DGAT1: variants seen among roughly 807,000 people sequenced by gnomAD.
The protein encoded by DGAT1 is ACAT related gene product 1.
A neutral mutation model predicts 72.6 loss-of-function variants in DGAT1; 60 were observed. The observed-to-expected ratio is 0.83, with a 90% CI of 0.67 to 1.02. The LOEUF (loss-of-function observed/expected upper bound fraction) is 1.02, where lower values mean the gene tolerates loss of function less well. Among genes scored for constraint, DGAT1 ranks in the 50% least tolerant of loss-of-function variants. DGAT1 has a pLI of 0.00. For synonymous variants in DGAT1, 290 were observed against 267.5 expected, an observed-to-expected ratio of 1.08 and a Z score of -0.82; for missense variants, 592 against 670.0, an observed-to-expected ratio of 0.88 and a Z score of 1.29.
chr8:144,322,122 C>A (rs1817476373), intron 1 of DGAT1, among the ~76,000 whole-genome samples: 1 of 152,216 alleles, frequency 6.6e-6, no homozygotes, highest in South Asian at 2.1e-4. Flanking sequence ...CCATGATCTC[C>A]CAACCAGCGC....
Position 144,326,667 on chromosome 8 carries a change from C to T in DGAT1, c.-31G>A, listed in dbSNP as rs1554848854. ...CAGCCCGCACCCGGCCGCAGCCAAG[C>T]GTGGGCCCGCCGGGTTCGTAGCGCC... On this transcript the variant is annotated 5_prime_UTR_variant, in exon 1 of 17. Coordinates refer to ENST00000528718, the MANE Select transcript of DGAT1 (RefSeq NM_012079.6). 3 of 1,170,542 alleles carry T rather than the reference C, an allele frequency of 2.6e-6. No homozygotes were observed. The highest frequency in any genetic ancestry group is 3.2e-6 in the Non-Finnish European group (3 of 948,560). 72.5% of individuals were successfully genotyped at this position (1,170,542 alleles called of 1,614,324 possible).
chr8:144,314,777 G>A lies in DGAT1; in HGVS notation c.*1777C>T. ...GTGGTGCGGTGGGTGGTGCTGCAAT[G>A]AGGAGGGGCCCAGGGCACAGAAGGG... On this transcript the variant is annotated 3_prime_UTR_variant, in exon 17 of 17. Transcript: ENST00000528718. The A allele has an allele frequency of 2.7e-6, 1 of 375,404 alleles. No homozygotes were observed. The highest frequency in any genetic ancestry group is 3.8e-6 in the Non-Finnish European group (1 of 265,620). The allele number at this position is 375,404 out of a possible 1,614,324, so 23.3% of individuals were successfully genotyped here.
In DGAT1 at chr8:144,326,435, A is replaced by T. The variant is rs566515249; in HGVS notation, c.200+2T>A. 7.3e-7 allele frequency: 1 copy of T among 1,379,290 alleles called. No individual in the cohort carries two copies. The highest frequency in any genetic ancestry group is 1.5e-5 in the African/African-American group (1 of 65,926). 85.4% of individuals were successfully genotyped at this position (1,379,290 alleles called of 1,614,324 possible). A position where few individuals can be genotyped will look rare whatever the true frequency, so the allele number is the denominator to read the frequency against. ...AGGTTAGGGGGTCAGGCGCTCCGCT[A>T]CCTCAGCTCCCAGTGGCCGCTGCCC... On this transcript the variant is annotated splice_donor_variant, in intron 1 of 16. Coordinates refer to ENST00000528718, the MANE Select transcript of DGAT1 (RefSeq NM_012079.6). LOFTEE classifies it high-confidence loss of function.
rs1817593953 is a variant in DGAT1 at position 144,326,433 on chromosome 8, C to T, written c.200+4G>A. 7.9e-6 allele frequency: 11 copies of T among 1,385,602 alleles called. No individual in the cohort carries two copies. The highest frequency in any genetic ancestry group is 2.6e-4 in the Middle Eastern group (1 of 3,890). The allele number at this position is 1,385,602 out of a possible 1,614,324, so 85.8% of individuals were successfully genotyped here. A position where few individuals can be genotyped will look rare whatever the true frequency, so the allele number is the denominator to read the frequency against. On this transcript the variant is annotated splice_donor_region_variant and intron_variant, in intron 1 of 16. Coordinates refer to ENST00000528718, the MANE Select transcript of DGAT1 (RefSeq NM_012079.6). ...AGAGGTTAGGGGGTCAGGCGCTCCG[C>T]TACCTCAGCTCCCAGTGGCCGCTGC...
rs1554847677 is a variant in DGAT1 at position 144,318,564 on chromosome 8, A to C, written c.471T>G (p.Gly157=). The change falls in exon 6 of 17, where the codon GGT becomes GGG. Residue 157 remains glycine (G), a splice_region_variant and synonymous_variant. Coordinates refer to ENST00000528718, the MANE Select transcript of DGAT1 (RefSeq NM_012079.6). ...AFQVEKRLAV[G]ALTEQAGLLL... ...GCAGTCCCGCCTGCTCCGTCAGGGC[A>C]CCCTGGAGTGGGGAGCAGAGCACTC... 1 of 1,611,810 alleles carries C rather than the reference A, an allele frequency of 6.2e-7. No individual in the cohort carries two copies. The highest frequency in any genetic ancestry group is 1.1e-5 in the South Asian group (1 of 90,878).
intron 2 of DGAT1, among the ~76,000 whole-genome samples, chr8:144,321,079 A>G (rs1289156490): frequency 6.6e-6 from 1 of 152,192 alleles, no homozygotes; most frequent in Non-Finnish European, 1.5e-5. Context: ...TCCAATGGGA[A>G]GCAGCAAGTA....
At position 144,317,324 on chromosome 8, in the gene DGAT1, GAC is replaced by G; in HGVS notation, c.1094+7_1094+8del. ...TCCCAGCCCCCAGGGACACCCCAGG[GAC>G]ACTCACCACCAGTCCCGGTAGAACT... is the stretch of plus-strand genomic sequence containing the variant. On this transcript the variant is annotated splice_region_variant and intron_variant, in intron 13 of 16. Coordinates refer to ENST00000528718, the MANE Select transcript of DGAT1 (RefSeq NM_012079.6). 1 of 1,613,480 alleles carries G rather than the reference GAC, an allele frequency of 6.2e-7. No individual in the cohort carries two copies. Among genetic ancestry groups the G allele is most frequent in the Non-Finnish European group, 8.5e-7 (1 of 1,179,792 alleles).
In DGAT1 at chr8:144,318,093, AC is replaced by A; in HGVS notation, c.751+1del. ...GCACCTCAGGCCCACAGAGGTCCTCACCGCGGTAGGTCAGATTGTCCGGGTA... is the reference window on the plus strand; with the variant it reads ...GCACCTCAGGCCCACAGAGGTCCTCACGCGGTAGGTCAGATTGTCCGGGTA... On this transcript the variant is annotated splice_donor_variant, in intron 8 of 16. Coordinates refer to ENST00000528718, the MANE Select transcript of DGAT1 (RefSeq NM_012079.6). LOFTEE classifies it high-confidence loss of function. 1 of 1,527,964 alleles carries A rather than the reference AC, an allele frequency of 6.5e-7. No individual in the cohort carries two copies. 94.7% of individuals were successfully genotyped at this position (1,527,964 alleles called of 1,614,324 possible).
Position 144,316,474 on chromosome 8 carries a change from G to T in DGAT1, c.*80C>A. On this transcript the variant is annotated 3_prime_UTR_variant, in exon 17 of 17. Transcript: ENST00000528718. The stretch of plus-strand genomic sequence containing the variant: ...TGCTGTGCAGCCAGGCCCATCCCCA[G>T]CACTCGAGGCCTAGGAGGAGAGGTG... 6.8e-7 allele frequency: 1 copy of T among 1,474,032 alleles called. No homozygotes were observed. 91.3% of individuals were successfully genotyped at this position (1,474,032 alleles called of 1,614,324 possible). A position where few individuals can be genotyped will look rare whatever the true frequency, so the allele number is the denominator to read the frequency against.
chr8:144,316,504 C>G lies in DGAT1; in HGVS notation c.*50G>C. The G allele has an allele frequency of 6.5e-7, 1 of 1,529,298 alleles. No individual in the cohort carries two copies. Among genetic ancestry groups the G allele is most frequent in the Non-Finnish European group, 8.8e-7 (1 of 1,135,282 alleles). 94.7% of individuals were successfully genotyped at this position (1,529,298 alleles called of 1,614,324 possible). ...CGAGGCCTAGGAGGAGAGGTGGGCT[C>G]TGGCAGCGGGTGTGAGGTGGCAGTG... On this transcript the variant is annotated 3_prime_UTR_variant, in exon 17 of 17. Transcript: ENST00000528718.
At chr8:144,319,752 G>A (rs575648659) in intron 2 of DGAT1, among the ~76,000 whole-genome samples, 2 of 152,200 alleles carry the variant, frequency 1.3e-5, no homozygotes, top group Non-Finnish European at 1.5e-5. Context: ...GCCTGGAGTT[G>A]GGTGCTTGGC....
chr8:144,315,281 G>A lies in DGAT1; in HGVS notation c.*1273C>T, dbSNP rs1817162273. 3 of 985,362 alleles carry A rather than the reference G, an allele frequency of 3.0e-6. No homozygotes were observed. The highest frequency in any genetic ancestry group is 6.1e-5 in the Admixed American group (1 of 16,268). The allele number at this position is 985,362 out of a possible 1,614,324, so 61.0% of individuals were successfully genotyped here. A position where few individuals can be genotyped will look rare whatever the true frequency, so the allele number is the denominator to read the frequency against. ...CCCCACCAGGAGCTCACCCACTACT[G>A]CCATCCTCAGCAGGGCCCAAGGAGA... On this transcript the variant is annotated 3_prime_UTR_variant, in exon 17 of 17. Coordinates refer to ENST00000528718, the MANE Select transcript of DGAT1 (RefSeq NM_012079.6).
intron 2 of DGAT1, among the ~76,000 whole-genome samples, chr8:144,320,896 T>C (rs1169594077): frequency 6.6e-6 from 1 of 152,102 alleles, no homozygotes; most frequent in African/African-American, 2.4e-5. Flanking sequence ...AGAGAGGCCT[T>C]GTGTCCACAG....
In DGAT1 at chr8:144,318,132, C is replaced by T. The variant is rs1318588945; in HGVS notation, c.714G>A (p.Pro238=). The stretch of plus-strand genomic sequence containing the variant: ...GATTGTCCGGGTAGCTCACGGTGTG[C>T]GGGGCAGCAGCACTGCTGGCCTTCT... ...AGKKASSAAA[P]HTVSYPDNLT... Residue 238 remains proline, a synonymous_variant, in exon 8 of 17, where the codon CCG becomes CCA. Transcript: ENST00000528718. 1.2e-5 allele frequency: 18 copies of T among 1,554,602 alleles called. No individual in the cohort carries two copies. Among genetic ancestry groups the T allele is most frequent in the South Asian group, 4.8e-5 (4 of 82,674 alleles).
At chr8:144,325,836 C>G (rs1210071019) in intron 1 of DGAT1, among the ~76,000 whole-genome samples, 1 of 152,198 alleles carries the variant, frequency 6.6e-6, no homozygotes, top group African/African-American at 2.4e-5. Context: ...ATCGGCAGGG[C>G]TCCAGGCCAG....
chr8:144,320,334 G>A (rs1258074265), intron 2 of DGAT1, among the ~76,000 whole-genome samples: 1 of 152,224 alleles, frequency 6.6e-6, no homozygotes, highest in Non-Finnish European at 1.5e-5. Flanking sequence ...TGCGTCTCCT[G>A]AGTGCTGGGC....
At position 144,321,435 on chromosome 8, in the gene DGAT1, C is replaced by G. The variant is rs201560417; in HGVS notation, c.201-27G>C. On this transcript the variant is annotated intron_variant, in intron 1 of 16. Coordinates refer to ENST00000528718, the MANE Select transcript of DGAT1 (RefSeq NM_012079.6). ...TGACAGAGCACAACACAAGCACCCC[C>G]TGAGTGGGCACCAGCAGGGCAGCGC... 11 of 1,607,310 alleles carry G rather than the reference C, an allele frequency of 6.8e-6. No homozygotes were observed. The Admixed American group carries it at 1.5e-4, about 22-fold the overall frequency.
At chr8:144,319,118 G>T (rs1554847819) in intron 2 of DGAT1, 50 bp from the exon 3 acceptor site, 1 of 1,546,878 alleles carries the variant, frequency 6.5e-7, no homozygotes. Context: ...TGGCCACAGG[G>T]TACTCACCCC....
At chr8:144,317,887 G>T in intron 9 of DGAT1, 27 bp downstream of exon 9, 1 of 1,550,572 alleles carries the variant, frequency 6.4e-7, no homozygotes, top group Non-Finnish European at 8.7e-7. Flanking sequence ...CTAGCCTCCA[G>T]TGGCTGCCCC....
Sources: allele counts gnomAD v4.1 joint callset (sites outside exome capture counted in the v4.1 genomes callset), GRCh38; gene constraint gnomAD v4.1.1; transcripts MANE v1.5; gene names NCBI Gene and HGNC (gene_info 2026-07-23, HGNC 2026-07-21).